GRM7: variants seen among roughly 807,000 people sequenced by gnomAD.
The protein encoded by GRM7 is glutamate metabotropic receptor 7.
GRM7 carries 35 observed loss-of-function variants against 84.5 expected under a neutral mutation model. That is an observed-to-expected ratio of 0.41 (90% CI 0.32 to 0.55). The LOEUF is 0.55. Ranked by LOEUF, GRM7 falls within the 20% of genes least tolerant of loss-of-function variation. The probability of loss-of-function intolerance (pLI) is 0.19; values close to 1 mark genes in which losing one functional copy is unlikely to be tolerated. For missense variants in GRM7, 1,003 were observed against 1,194.6 expected, an observed-to-expected ratio of 0.84 and a Z score of 2.36; for synonymous variants, 487 against 455.1, an observed-to-expected ratio of 1.07 and a Z score of -0.89.
At chr3:7,087,731 C>T (rs562053591) in intron 1 of GRM7, among the ~76,000 whole-genome samples, 2 of 152,174 alleles carry the variant, frequency 1.3e-5, no homozygotes, top group South Asian at 2.1e-4. Flanking sequence ...AGTTGTGGTA[C>T]GAGGACTCTG....
intron 1 of GRM7, among the ~76,000 whole-genome samples, chr3:6,945,833 A>C (rs1218262712): frequency 6.6e-6 from 1 of 151,940 alleles, no homozygotes; most frequent in Non-Finnish European, 1.5e-5. Flanking sequence ...GCATTTTTTC[A>C]TGTGTTTTTT....
At chr3:7,655,865 A>C (rs1400979337) in intron 8 of GRM7, among the ~76,000 whole-genome samples, 6 of 152,182 alleles carry the variant, frequency 3.9e-5, no homozygotes, top group Non-Finnish European at 7.3e-5. Flanking sequence ...AAAAACCCAA[A>C]ATAAATGCAT....
intron 1 of GRM7, among the ~76,000 whole-genome samples, chr3:7,039,362 T>G (rs552545680): frequency 8.7e-4 from 133 of 152,322 alleles, no homozygotes; most frequent in African/African-American, 3.0e-3. Flanking sequence ...TTAAAAAAAT[T>G]TTTAATGTTT....
chr3:7,175,596 G>GGTGT (rs1467631529), intron 2 of GRM7, among the ~76,000 whole-genome samples: 3 of 152,172 alleles, frequency 2.0e-5, no homozygotes, highest in Admixed American at 6.5e-5. Context: ...AGAGTGCAGT[G>GGTGT]GTGTGATCTC....
At chr3:7,108,509 G>C (rs1057002923) in intron 1 of GRM7, among the ~76,000 whole-genome samples, 9 of 107,092 alleles carry the variant, frequency 8.4e-5, no homozygotes, top group Non-Finnish European at 1.8e-4. Context: ...TTTTTTTTTT[G>C]CTGCTTTTCT....
intron 1 of GRM7, among the ~76,000 whole-genome samples, chr3:6,883,765 A>T (rs1479722575): frequency 1.3e-5 from 2 of 152,224 alleles, no homozygotes; most frequent in South Asian, 4.1e-4. Flanking sequence ...CCTCTGTCTC[A>T]TCCAAAACAG....
intron 2 of GRM7, among the ~76,000 whole-genome samples, chr3:7,283,143 G>C (rs1699312276): frequency 6.6e-6 from 1 of 152,024 alleles, no homozygotes; most frequent in Non-Finnish European, 1.5e-5. Context: ...TGAGTTGTAG[G>C]GAATGGTGAA....
intron 1 of GRM7, among the ~76,000 whole-genome samples, chr3:7,011,717 A>G (rs552240344): frequency 2.0e-5 from 3 of 152,234 alleles, no homozygotes; most frequent in African/African-American, 4.8e-5. Context: ...ACCTGGGAAC[A>G]GAAAGAGGCA....
chr3:7,285,699 T>C (rs1699407924), intron 2 of GRM7, among the ~76,000 whole-genome samples: 1 of 152,088 alleles, frequency 6.6e-6, no homozygotes, highest in Non-Finnish European at 1.5e-5. Flanking sequence ...AAATAGTTTT[T>C]TGCCCTCTTG....
intron 4 of GRM7, among the ~76,000 whole-genome samples, chr3:7,405,066 A>G (rs886850844): frequency 6.6e-6 from 1 of 152,176 alleles, no homozygotes; most frequent in African/African-American, 2.4e-5. Flanking sequence ...GCTAAAATCC[A>G]TGCAAAACAC....
intron 7 of GRM7, among the ~76,000 whole-genome samples, chr3:7,534,981 A>G (rs749042030): frequency 6.6e-6 from 1 of 151,766 alleles, no homozygotes; most frequent in Non-Finnish European, 1.5e-5. Context: ...CCACTTTTCC[A>G]CTCTTGTTTT....
chr3:7,401,602 A>G (rs927303786), intron 4 of GRM7, among the ~76,000 whole-genome samples: 4 of 152,196 alleles, frequency 2.6e-5, no homozygotes, highest in African/African-American at 9.6e-5. Context: ...ACTTTGAAAA[A>G]AAAATAAAGC....
intron 7 of GRM7, among the ~76,000 whole-genome samples, chr3:7,572,410 TGAGCCTCAG>T (rs1694713623): frequency 1.3e-5 from 2 of 152,128 alleles, no homozygotes; most frequent in Non-Finnish European, 2.9e-5. Context: ...AATTCAAAGT[TGAGCCTCAG>T]AAACCTTAGG....
At chr3:7,019,986 C>A (rs1272147185) in intron 1 of GRM7, among the ~76,000 whole-genome samples, 1 of 152,140 alleles carries the variant, frequency 6.6e-6, no homozygotes, top group African/African-American at 2.4e-5. Flanking sequence ...ACCTGTTCAT[C>A]AAGCTACAGG....
chr3:7,344,610 C>G (rs1692805063), intron 4 of GRM7, among the ~76,000 whole-genome samples: 1 of 152,082 alleles, frequency 6.6e-6, no homozygotes, highest in Non-Finnish European at 1.5e-5. Flanking sequence ...ATATAAAAGC[C>G]TGTTATTCGT....
At chr3:6,977,660 G>A (rs1372310802) in intron 1 of GRM7, among the ~76,000 whole-genome samples, 1 of 152,074 alleles carries the variant, frequency 6.6e-6, no homozygotes, top group East Asian at 1.9e-4. Flanking sequence ...TTATAATGTG[G>A]ATCAGTACCT....
chr3:7,686,564 G>A (rs555162013), intron 9 of GRM7: 17 of 596,984 alleles, frequency 2.8e-5, no homozygotes, highest in African/African-American at 2.8e-4. Context: ...AGGAAGAAAT[G>A]AATTTTCAAA....
At chr3:7,242,152 A>C (rs1212915646) in intron 2 of GRM7, among the ~76,000 whole-genome samples, 1 of 152,168 alleles carries the variant, frequency 6.6e-6, no homozygotes, top group African/African-American at 2.4e-5. Flanking sequence ...CATCAGGACA[A>C]GATTAAACAA....
At chr3:7,094,560 G>A (rs1698787201) in intron 1 of GRM7, among the ~76,000 whole-genome samples, 1 of 152,092 alleles carries the variant, frequency 6.6e-6, no homozygotes, top group Non-Finnish European at 1.5e-5. Flanking sequence ...TCTTTTCCCT[G>A]TACTAGTTGC....
Sources: gnomAD v4.1 joint callset for allele counts (sites outside exome capture counted in the v4.1 genomes callset) on GRCh38, gnomAD v4.1.1 for gene constraint, MANE v1.5 for transcripts, NCBI Gene and HGNC (gene_info 2026-07-23, HGNC 2026-07-21) for gene names.